CAST: variants seen among roughly 807,000 people sequenced by gnomAD.
The protein encoded by CAST is MIR583 host.
A neutral mutation model predicts 119.6 loss-of-function variants in CAST; 76 were observed. The observed-to-expected ratio is 0.64, with a 90% confidence interval of 0.53 to 0.77. The LOEUF (loss-of-function observed/expected upper bound fraction) is 0.77. Ranked by LOEUF, CAST falls within the 30% of genes least tolerant of loss-of-function variation. The probability of loss-of-function intolerance (pLI) is 0.00; values close to 1 mark genes in which losing one functional copy is unlikely to be tolerated. For missense variants in CAST, 953 were observed against 946.5 expected (o/e 1.01, Z -0.09); for synonymous variants, 319 against 331.6 (o/e 0.96, Z 0.41).
At chr5:96,611,153 T>C (rs1747353963) in intron 1 of CAST, among the ~76,000 whole-genome samples, 1 of 152,160 alleles carries the variant, frequency 6.6e-6, no homozygotes, top group Non-Finnish European at 1.5e-5. Flanking sequence ...AAAACAATCT[T>C]AAAATTCATA....
At chr5:96,198,516 C>T in the CAST span, among the ~76,000 whole-genome samples, 1 of 152,096 alleles carries the variant, frequency 6.6e-6, no homozygotes, top group Non-Finnish European at 1.5e-5. Context: ...CATGGCTCTC[C>T]TCCTCCTTGT....
intron 1 of CAST, among the ~76,000 whole-genome samples, chr5:96,610,080 G>T (rs1283987488): frequency 1.3e-5 from 2 of 152,172 alleles, no homozygotes; most frequent in African/African-American, 2.4e-5. Context: ...TTGGGGGCAG[G>T]TTTTTCCCAT....
intron 2 of CAST, among the ~76,000 whole-genome samples, chr5:96,689,177 A>G (rs1752430778): frequency 6.6e-6 from 1 of 152,362 alleles, no homozygotes; most frequent in East Asian, 1.9e-4. Context: ...ACACACATGT[A>G]CGAATACAAA....
the CAST span, among the ~76,000 whole-genome samples, chr5:96,300,577 A>AT: frequency 0.017 from 2,474 of 146,670 alleles, 28 homozygotes; most frequent in African/African-American, 0.026. Context: ...TGCCTTTGCT[A>AT]TTTTTTTTTT....
At chr5:96,296,796 A>G in the CAST span, among the ~76,000 whole-genome samples, 1 of 152,230 alleles carries the variant, frequency 6.6e-6, no homozygotes, top group South Asian at 2.1e-4. Flanking sequence ...GGTTTGGAGG[A>G]AAATGTGTCT....
At chr5:96,353,679 T>C in the CAST span, among the ~76,000 whole-genome samples, 1 of 152,224 alleles carries the variant, frequency 6.6e-6, no homozygotes. Flanking sequence ...TGGATAGCAG[T>C]GCTTCTGGCT....
intron 2 of CAST, among the ~76,000 whole-genome samples, chr5:96,691,239 C>T (rs1752691364): frequency 6.6e-6 from 1 of 152,140 alleles, no homozygotes; most frequent in Non-Finnish European, 1.5e-5. Context: ...GTGAAACGCC[C>T]TTATTCAGCA....
the CAST span, among the ~76,000 whole-genome samples, chr5:96,125,930 G>A: frequency 6.6e-6 from 1 of 152,116 alleles, no homozygotes; most frequent in Non-Finnish European, 1.5e-5. Context: ...GGAGAAAACA[G>A]ACTTTAACAA....
the CAST span, among the ~76,000 whole-genome samples, chr5:96,340,577 C>T: frequency 1.3e-5 from 2 of 152,134 alleles, no homozygotes; most frequent in Non-Finnish European, 2.9e-5. Flanking sequence ...TTGTTCACTC[C>T]GTTGACTGCC....
At chr5:96,410,897 G>A in the CAST span, 3 of 1,613,940 alleles carry the variant, frequency 1.9e-6, no homozygotes, top group Non-Finnish European at 2.5e-6. Flanking sequence ...TGTAGATGCT[G>A]TCTGTGTAGC....
chr5:96,405,244 TA>T, the CAST span, among the ~76,000 whole-genome samples: 1 of 152,184 alleles, frequency 6.6e-6, no homozygotes, highest in South Asian at 2.1e-4. Flanking sequence ...ATTCTTATGA[TA>T]AGCACCTGGG....
the CAST span, among the ~76,000 whole-genome samples, chr5:96,436,430 T>C: frequency 6.7e-6 from 1 of 149,912 alleles, no homozygotes; most frequent in South Asian, 2.1e-4. Context: ...AATTGAGAAA[T>C]CTGAATATGC....
At chr5:96,571,656 G>T (rs1301101527) in intron 1 of CAST, among the ~76,000 whole-genome samples, 5 of 152,154 alleles carry the variant, frequency 3.3e-5, no homozygotes, top group South Asian at 2.1e-4. Flanking sequence ...CCAGTAGATT[G>T]CTCTCTCACA....
chr5:95,998,913 T>TACA, the CAST span, among the ~76,000 whole-genome samples: 1 of 152,190 alleles, frequency 6.6e-6, no homozygotes, highest in Non-Finnish European at 1.5e-5. Flanking sequence ...CATTATCTGT[T>TACA]GTTTTTTGAC....
intron 29 of CAST, chr5:96,768,244 C>T (rs1770769689): frequency 4.2e-6 from 2 of 478,858 alleles, no homozygotes; most frequent in South Asian, 4.2e-5. Flanking sequence ...CCACCACACC[C>T]AGCTAATTTT....
intron 1 of CAST, among the ~76,000 whole-genome samples, chr5:96,543,444 C>T (rs762234784): frequency 1.3e-5 from 2 of 152,020 alleles, no homozygotes; most frequent in African/African-American, 2.4e-5. Flanking sequence ...GGGGCTTAAA[C>T]CTAGATGATG....
chr5:96,626,490 G>A (rs560219330), intron 1 of CAST, among the ~76,000 whole-genome samples: 1 of 152,230 alleles, frequency 6.6e-6, no homozygotes, highest in South Asian at 2.1e-4. Flanking sequence ...ACTTGGGCCT[G>A]CTTTGCCTTC....
At chr5:96,183,205 T>C in the CAST span, among the ~76,000 whole-genome samples, 1 of 145,554 alleles carries the variant, frequency 6.9e-6, no homozygotes, top group African/African-American at 2.5e-5. Flanking sequence ...ATACAATGTT[T>C]CTGAATGTGC....
the CAST span, among the ~76,000 whole-genome samples, chr5:96,387,890 C>T: frequency 6.6e-6 from 1 of 152,172 alleles, no homozygotes; most frequent in Non-Finnish European, 1.5e-5. Context: ...GACAGGGATA[C>T]AGGAAATGAA....
Sources: gnomAD v4.1 joint callset for allele counts (sites outside exome capture counted in the v4.1 genomes callset) on GRCh38, gnomAD v4.1.1 for gene constraint, MANE v1.5 for transcripts, NCBI Gene and HGNC (gene_info 2026-07-23, HGNC 2026-07-21) for gene names.